Variants in FMN1 observed in about 807,000 individuals in gnomAD.
The protein encoded by FMN1 is formin-1.
Under a neutral mutation model 132.4 loss-of-function variants are expected in FMN1, and 110 were observed. That is an observed-to-expected ratio of 0.83 (90% CI 0.71 to 0.97). The LOEUF (loss-of-function observed/expected upper bound fraction) is 0.97, where lower values mean the gene tolerates loss of function less well. Ranked by LOEUF, FMN1 falls within the 50% of genes least tolerant of loss-of-function variation. The pLI is 0.00. For missense variants in FMN1, 1,792 were observed against 1,705.3 expected, an observed-to-expected ratio of 1.05 and a Z score of -0.90; for synonymous variants, 722 against 651.7, an observed-to-expected ratio of 1.11 and a Z score of -1.64.
intron 17 of FMN1, among the ~76,000 whole-genome samples, chr15:32,836,265 A>G (rs2141187101): frequency 6.6e-6 from 1 of 152,272 alleles, no homozygotes; most frequent in East Asian, 1.9e-4. Flanking sequence ...ATTCAAATTC[A>G]CAAACTCTAA....
At chr15:32,803,565 T>C (rs1439584084) in intron 18 of FMN1, among the ~76,000 whole-genome samples, 1 of 152,054 alleles carries the variant, frequency 6.6e-6, no homozygotes, top group Non-Finnish European at 1.5e-5. Flanking sequence ...CTGGGGGAAA[T>C]TGTCCATACG....
Position 32,846,576 on chromosome 15 carries a change from C to T in FMN1, c.3928+10439G>A, listed in dbSNP as rs139842345. 2.0e-5 allele frequency among the ~76,000 whole-genome samples: 3 copies of T among 152,296 alleles called. No homozygotes were observed. The East Asian group carries it at 5.8e-4, about 29-fold the overall frequency. On this transcript the variant is annotated intron_variant, in intron 17 of 20. Coordinates refer to ENST00000616417, the MANE Select transcript of FMN1 (RefSeq NM_001277313.2). ...CAAGAAACAATAGATGCTGGTGAGG[C>T]TGCAGAGAAACAGGAATGCTTTTAC...
intron 9 of FMN1, among the ~76,000 whole-genome samples, chr15:32,941,892 T>TCA (rs746771393): frequency 4.6e-5 from 7 of 152,180 alleles, no homozygotes; most frequent in Admixed American, 3.9e-4. Flanking sequence ...TAGCAAGCCC[T>TCA]CACTTTATCT....
chr15:32,829,677 C>G (rs1376896913), intron 17 of FMN1, among the ~76,000 whole-genome samples: 1 of 152,184 alleles, frequency 6.6e-6, no homozygotes, highest in African/African-American at 2.4e-5. Flanking sequence ...CATATTGTCT[C>G]AGCTTACAAA....
intron 6 of FMN1, among the ~76,000 whole-genome samples, chr15:33,055,342 A>G (rs957563017): frequency 6.6e-6 from 1 of 152,168 alleles, no homozygotes; most frequent in African/African-American, 2.4e-5. Flanking sequence ...TCCAGATTGA[A>G]CCAATGAAAA....
chr15:33,122,973 G>A (rs717411), intron 4 of FMN1, among the ~76,000 whole-genome samples: 9,296 of 151,928 alleles, frequency 0.061, 299 homozygotes, highest in Middle Eastern at 0.11. Flanking sequence ...ATCCTGCTAG[G>A]TAATTAATGT....
At chr15:33,100,260 T>C (rs1215988967) in intron 4 of FMN1, among the ~76,000 whole-genome samples, 1 of 148,454 alleles carries the variant, frequency 6.7e-6, no homozygotes, top group Non-Finnish European at 1.5e-5. Flanking sequence ...AATATAAAAC[T>C]GCACATTTGG....
At chr15:32,881,882 T>C (rs1050754244) in intron 16 of FMN1, among the ~76,000 whole-genome samples, 1 of 152,172 alleles carries the variant, frequency 6.6e-6, no homozygotes, top group South Asian at 2.1e-4. Context: ...ATGGAAGAGA[T>C]AACAAAACCT....
chr15:32,987,480 C>G (rs1437401809), intron 7 of FMN1, among the ~76,000 whole-genome samples: 2 of 152,134 alleles, frequency 1.3e-5, no homozygotes, highest in African/African-American at 4.8e-5. Flanking sequence ...GACTGCACAT[C>G]AGAGCAGAAG....
At chr15:33,042,402 T>C (rs185521692) in intron 6 of FMN1, among the ~76,000 whole-genome samples, 24 of 152,296 alleles carry the variant, frequency 1.6e-4, no homozygotes, top group Non-Finnish European at 2.8e-4. Context: ...AAAGCTCATA[T>C]ACAAGAGTGT....
intron 10 of FMN1, among the ~76,000 whole-genome samples, chr15:32,914,658 T>C (rs2060641843): frequency 6.6e-6 from 1 of 152,210 alleles, no homozygotes; most frequent in Non-Finnish European, 1.5e-5. Context: ...TCTATTGTAA[T>C]GGGCAAGAGG....
intron 7 of FMN1, among the ~76,000 whole-genome samples, chr15:33,000,719 C>T (rs367583522): frequency 1.6e-4 from 24 of 152,224 alleles, no homozygotes; most frequent in African/African-American, 5.8e-4. Context: ...GGTAGTATCC[C>T]AAACAATGGG....
intron 10 of FMN1, among the ~76,000 whole-genome samples, chr15:32,925,098 T>C (rs1460889626): frequency 1.3e-5 from 2 of 152,224 alleles, no homozygotes; most frequent in Non-Finnish European, 2.9e-5. Flanking sequence ...TTAAATGTCT[T>C]TTATCTAAAA....
chr15:33,091,277 A>T (rs2038893334), intron 4 of FMN1, among the ~76,000 whole-genome samples: 4 of 152,154 alleles, frequency 2.6e-5, no homozygotes, highest in South Asian at 4.1e-4. Flanking sequence ...CTTGAAACAC[A>T]CATGCATGCA....
rs557453381 is a variant in FMN1 at position 33,027,533 on chromosome 15, C to T, written c.2162-19458G>A. The stretch of plus-strand genomic sequence containing the variant: ...GTGGAAACAGAGCCAACTAGAATCA[C>T]GGACAGCCAGAAACACTAGTTTTAG... On this transcript the variant is annotated intron_variant, in intron 6 of 20. Coordinates refer to ENST00000616417, the MANE Select transcript of FMN1 (RefSeq NM_001277313.2). 2.6e-5 allele frequency among the ~76,000 whole-genome samples: 4 copies of T among 152,290 alleles called. No homozygotes were observed. The South Asian group carries it at 6.2e-4, about 24-fold the overall frequency.
At chr15:32,834,127 C>CT (rs1440460220) in intron 17 of FMN1, among the ~76,000 whole-genome samples, 1 of 152,224 alleles carries the variant, frequency 6.6e-6, no homozygotes, top group Non-Finnish European at 1.5e-5. Context: ...TTGTCATACT[C>CT]TGATGAAAAG....
chr15:32,992,012 G>T (rs2033465018), intron 7 of FMN1, among the ~76,000 whole-genome samples: 1 of 152,108 alleles, frequency 6.6e-6, no homozygotes, highest in Non-Finnish European at 1.5e-5. Context: ...TAGTCCAGGG[G>T]GATTCAAGCC....
chr15:33,107,353 C>T (rs994514357), intron 4 of FMN1, among the ~76,000 whole-genome samples: 8 of 152,018 alleles, frequency 5.3e-5, no homozygotes, highest in African/African-American at 1.7e-4. Context: ...AGCATGCCAA[C>T]GATCTTTTAA....
At chr15:32,796,650 A>G (rs997253503) in intron 19 of FMN1, among the ~76,000 whole-genome samples, 1 of 152,236 alleles carries the variant, frequency 6.6e-6, no homozygotes, top group Non-Finnish European at 1.5e-5. Context: ...TTATTTTACC[A>G]TAATGAATGT....
Sources: allele counts gnomAD v4.1 joint callset (sites outside exome capture counted in the v4.1 genomes callset), GRCh38; gene constraint gnomAD v4.1.1; transcripts MANE v1.5; gene names NCBI Gene and HGNC (gene_info 2026-07-23, HGNC 2026-07-21).